The following CDK14 variants were observed in gnomAD, a reference collection of about 807,000 sequenced individuals.
The protein encoded by CDK14 is cyclin dependent kinase 14, also known as cyclin-dependent kinase 14.
A neutral mutation model predicts 60.7 loss-of-function variants in CDK14; 34 were observed. The ratio of observed to expected loss-of-function variants is 0.56; its 90% CI spans 0.43 to 0.75. CDK14 has a LOEUF of 0.75. Ranked by LOEUF, CDK14 falls within the 30% of genes least tolerant of loss-of-function variation. The pLI, the probability that CDK14 is intolerant of heterozygous loss-of-function variation, is 0.00. For synonymous variants in CDK14, 197 were observed against 203.7 expected, an observed-to-expected ratio of 0.97 and a Z score of 0.28; for missense variants, 482 against 564.1, an observed-to-expected ratio of 0.85 and a Z score of 1.47.
intron 2 of CDK14, among the ~76,000 whole-genome samples, chr7:90,650,148 A>G (rs1198400075): frequency 2.0e-5 from 3 of 152,176 alleles, no homozygotes; most frequent in Non-Finnish European, 4.4e-5. Flanking sequence ...AATGATCACC[A>G]TTCTAACTGG....
At chr7:91,023,364 A>G (rs769499201) in intron 10 of CDK14, among the ~76,000 whole-genome samples, 4 of 152,164 alleles carry the variant, frequency 2.6e-5, no homozygotes, top group African/African-American at 7.2e-5. Flanking sequence ...CATGTCTTCT[A>G]TGATATGTTA....
intron 10 of CDK14, among the ~76,000 whole-genome samples, chr7:91,011,099 C>T (rs546818493): frequency 2.6e-5 from 4 of 151,882 alleles, no homozygotes; most frequent in South Asian, 4.2e-4. Flanking sequence ...CAATTTTTAT[C>T]GGGAATGGAT....
chr7:90,609,424 T>A (rs555563929), intron 2 of CDK14, among the ~76,000 whole-genome samples: 4 of 152,164 alleles, frequency 2.6e-5, no homozygotes, highest in African/African-American at 4.8e-5. Context: ...TGGGAGGTGA[T>A]TGGATTGTGG....
At chr7:91,061,442 A>G (rs1301974350) in intron 11 of CDK14, among the ~76,000 whole-genome samples, 2 of 152,190 alleles carry the variant, frequency 1.3e-5, no homozygotes, top group African/African-American at 2.4e-5. Flanking sequence ...GTTGCTGGTG[A>G]GGAACTGCGT....
chr7:91,180,233 G>T (rs979286366), intron 14 of CDK14, among the ~76,000 whole-genome samples: 1 of 152,168 alleles, frequency 6.6e-6, no homozygotes, highest in African/African-American at 2.4e-5. Flanking sequence ...AAGATGCTTT[G>T]CTAGGGATAC....
At chr7:90,974,989 A>G (rs1214147567) in intron 9 of CDK14, among the ~76,000 whole-genome samples, 1 of 152,210 alleles carries the variant, frequency 6.6e-6, no homozygotes, top group East Asian at 1.9e-4. Context: ...TTTTAAAAGC[A>G]AAAGACCAAA....
chr7:90,937,554 G>T (rs1240594033), intron 8 of CDK14, among the ~76,000 whole-genome samples: 3 of 152,074 alleles, frequency 2.0e-5, no homozygotes, highest in African/African-American at 7.2e-5. Context: ...TGGAATAGTA[G>T]GATTTCAGAT....
At chr7:90,783,807 G>C (rs1365112738) in intron 4 of CDK14, among the ~76,000 whole-genome samples, 1 of 152,128 alleles carries the variant, frequency 6.6e-6, no homozygotes, top group Non-Finnish European at 1.5e-5. Context: ...GGAGAAAGGG[G>C]AACACTTGTA....
chr7:91,038,989 T>C (rs1797008042), intron 10 of CDK14, among the ~76,000 whole-genome samples: 1 of 152,194 alleles, frequency 6.6e-6, no homozygotes. Flanking sequence ...GAAAATGGAC[T>C]AATACAGGGG....
intron 4 of CDK14, among the ~76,000 whole-genome samples, chr7:90,780,414 T>A (rs13238024): frequency 0.2 from 30,894 of 151,100 alleles, 3,316 homozygotes; most frequent in South Asian, 0.24. Context: ...TTATTTATTT[T>A]TATTTTTATT....
chr7:90,902,552 T>C (rs564005135), intron 7 of CDK14, among the ~76,000 whole-genome samples: 2 of 152,190 alleles, frequency 1.3e-5, no homozygotes, highest in East Asian at 1.9e-4. Context: ...TGGAAATCCA[T>C]GTGCAGAAGA....
chr7:90,635,734 G>A (rs199790108), intron 2 of CDK14, among the ~76,000 whole-genome samples: 89 of 151,672 alleles, frequency 5.9e-4, no homozygotes, highest in African/African-American at 1.9e-3. Context: ...CAGTATGGCC[G>A]TTTTCACGAT....
Position 91,172,293 on chromosome 7 carries a change from C to T in CDK14, c.*29-34872C>T, listed in dbSNP as rs74562799. The stretch of plus-strand genomic sequence containing the variant: ...AAGCTCAGTATCTTCCATGACTTGC[C>T]GCATCTTTTAACCAGACATTAAGTG... On this transcript the variant is annotated intron_variant, in intron 14 of 14. Coordinates refer to ENST00000380050, the MANE Select transcript of CDK14 (RefSeq NM_001287135.2). Among the ~76,000 whole-genome samples the T allele has an allele frequency of 7.1e-3, 1,076 of 152,198 alleles. 18 individuals are homozygous for T. The highest frequency in any genetic ancestry group is 0.024 in the African/African-American group (984 of 41,516).
intron 2 of CDK14, among the ~76,000 whole-genome samples, chr7:90,661,356 C>T (rs1471053226): frequency 6.6e-6 from 1 of 152,184 alleles, no homozygotes; most frequent in African/African-American, 2.4e-5. Flanking sequence ...AGACAGCTTA[C>T]GTAAATTGCA....
intron 2 of CDK14, among the ~76,000 whole-genome samples, chr7:90,622,841 T>C (rs1461341314): frequency 2.0e-5 from 3 of 152,034 alleles, no homozygotes; most frequent in Non-Finnish European, 4.4e-5. Flanking sequence ...TGTCCCATCT[T>C]ATCTCAGATC....
chr7:90,674,446 A>C (rs2116542102), intron 2 of CDK14, among the ~76,000 whole-genome samples: 1 of 152,302 alleles, frequency 6.6e-6, no homozygotes, highest in South Asian at 2.1e-4. Flanking sequence ...TGGGAACACA[A>C]ATTCCCCTAG....
In CDK14 at chr7:90,857,929, T is replaced by C. The variant is rs1790881327; in HGVS notation, c.545-5246T>C. 2.0e-5 allele frequency among the ~76,000 whole-genome samples: 3 copies of C among 152,172 alleles called. No individual in the cohort carries two copies. The South Asian group carries it at 6.2e-4, about 32-fold the overall frequency. On this transcript the variant is annotated intron_variant, in intron 5 of 14. Coordinates refer to ENST00000380050, the MANE Select transcript of CDK14 (RefSeq NM_001287135.2). ...GCTGTTTTCTGTCCATTAATGCCAT[T>C]TTTCTGCCATCAGCTTTGAAATTAG...
chr7:91,119,930 T>A (rs1444539983), intron 14 of CDK14, among the ~76,000 whole-genome samples: 2 of 152,206 alleles, frequency 1.3e-5, no homozygotes, highest in African/African-American at 4.8e-5. Flanking sequence ...GAATTTCAAT[T>A]GGTCAGACAA....
intron 6 of CDK14, among the ~76,000 whole-genome samples, chr7:90,889,085 T>C (rs1013811181): frequency 6.6e-6 from 1 of 152,262 alleles, no homozygotes; most frequent in East Asian, 1.9e-4. Context: ...AACTATACAC[T>C]GAGTTTATTT....
Sources: allele counts gnomAD v4.1 joint callset (sites outside exome capture counted in the v4.1 genomes callset), GRCh38; gene constraint gnomAD v4.1.1; transcripts MANE v1.5; gene names NCBI Gene and HGNC (gene_info 2026-07-23, HGNC 2026-07-21).